The following PCDHGA1 variants were observed in gnomAD, a reference collection of about 807,000 sequenced individuals.
The protein encoded by PCDHGA1 is protocadherin gamma-A1.
PCDHGA1 carries 32 observed loss-of-function variants against 58.0 expected under a neutral mutation model. The observed-to-expected ratio is 0.55, with a 90% confidence interval of 0.42 to 0.74. The LOEUF is 0.74. PCDHGA1 is among the 30% of genes least tolerant of loss of function. The pLI, the probability that PCDHGA1 is intolerant of heterozygous loss-of-function variation, is 0.00. For missense variants in PCDHGA1, 1,205 were observed against 1,182.3 expected, an observed-to-expected ratio of 1.02 and a Z score of -0.28; for synonymous variants, 498 against 501.1, an observed-to-expected ratio of 0.99 and a Z score of 0.08.
At chr5:141,435,390 C>T (rs2097760754) in intron 1 of PCDHGA1, among the ~76,000 whole-genome samples, 1 of 152,052 alleles carries the variant, frequency 6.6e-6, no homozygotes, top group Non-Finnish European at 1.5e-5. Flanking sequence ...ACCGTATTGC[C>T]ATGACGAAAA....
chr5:141,355,189 G>A (rs1414390153), intron 1 of PCDHGA1: 1 of 1,590,876 alleles, frequency 6.3e-7, no homozygotes. Flanking sequence ...GCGACTCCGC[G>A]GCGGGGTTGT....
At chr5:141,345,581 G>T (rs1757602963) in intron 1 of PCDHGA1, 2 of 1,614,172 alleles carry the variant, frequency 1.2e-6, no homozygotes, top group Non-Finnish European at 1.7e-6. Flanking sequence ...TCCTATACGC[G>T]CTGAGATCCT....
chr5:141,485,067 C>G lies in PCDHGA1; in HGVS notation c.2422-9740C>G, dbSNP rs944494894. On this transcript the variant is annotated intron_variant, in intron 1 of 3. Transcript: ENST00000517417. This position sits in a 1 kb window ranked among gnomAD's most constrained non-coding sequence, Gnocchi z 5.7. Reference sequence around the variant, plus strand: ...CGGCGCCGGCCGAACCGCGCCAGAGCTGGCGCGGGGAAAGGGAGATAGGTG... The same window carrying G: ...CGGCGCCGGCCGAACCGCGCCAGAGGTGGCGCGGGGAAAGGGAGATAGGTG... 21 of 894,418 alleles carry G rather than the reference C, an allele frequency of 2.3e-5. No individual in the cohort carries two copies. The highest frequency in any genetic ancestry group is 1.8e-4 in the Admixed American group (8 of 43,320). 55.4% of individuals were successfully genotyped at this position (894,418 alleles called of 1,614,324 possible). A position where few individuals can be genotyped will look rare whatever the true frequency, so the allele number is the denominator to read the frequency against.
rs766765576 is a variant in PCDHGA1 at position 141,361,851 on chromosome 5, C to T, written c.2421+28746C>T. 5.6e-6 allele frequency: 9 copies of T among 1,612,474 alleles called. No homozygotes were observed. In the East Asian group the frequency reaches 1.8e-4, roughly 32 times the overall value. The stretch of plus-strand genomic sequence containing the variant: ...ACCCCGCGCTGGGGCCTGATGGCTC[C>T]GCCCTCTTCGATATGGTGCCACGCG... On this transcript the variant is annotated intron_variant, in intron 1 of 3. Coordinates refer to ENST00000517417, the MANE Select transcript of PCDHGA1 (RefSeq NM_018912.3).
At chr5:141,389,394 T>C (rs753490190) in intron 1 of PCDHGA1, 2 of 1,613,672 alleles carry the variant, frequency 1.2e-6, no homozygotes, top group South Asian at 2.2e-5. Flanking sequence ...ATCCTACGTG[T>C]CCATAAGCGC....
intron 1 of PCDHGA1, chr5:141,370,275 C>T (rs1483260334): frequency 2.4e-6 from 2 of 830,416 alleles, no homozygotes; most frequent in African/African-American, 1.7e-5. Flanking sequence ...AGCGGAGACA[C>T]CCATTAGAGA....
At chr5:141,365,743 CT>C (rs2149881259) in intron 1 of PCDHGA1, 1 of 1,613,828 alleles carries the variant, frequency 6.2e-7, no homozygotes, top group Non-Finnish European at 8.5e-7. Context: ...GTGTCTCTAT[CT>C]TCTCTGTGAC....
rs1346088631 is a variant in PCDHGA1 at position 141,334,513 on chromosome 5, G to C, written c.2421+1408G>C. 1 of 152,370 alleles carries C rather than the reference G, an allele frequency of 6.6e-6. No homozygotes were observed. Among genetic ancestry groups the C allele is most frequent in the African/African-American group, 2.4e-5 (1 of 41,438 alleles). 9.4% of individuals were successfully genotyped at this position (152,370 alleles called of 1,614,324 possible). A position where few individuals can be genotyped will look rare whatever the true frequency, so the allele number is the denominator to read the frequency against. On this transcript the variant is annotated intron_variant, in intron 1 of 3. Transcript: ENST00000517417. The surrounding 1 kb of genome is among the most constrained non-coding windows in gnomAD (Gnocchi z 4.6). Reference sequence around the variant, plus strand: ...GCGGGGCGGGGCAGGAGCTGACGTGGGAGGATCCCTTGAGCCCAGGAAGTC... The same window carrying C: ...GCGGGGCGGGGCAGGAGCTGACGTGCGAGGATCCCTTGAGCCCAGGAAGTC...
chr5:141,383,570 G>A, intron 1 of PCDHGA1: 1 of 1,613,234 alleles, frequency 6.2e-7, no homozygotes, highest in Non-Finnish European at 8.5e-7. Flanking sequence ...CCCCGATCCA[G>A]CACCGCCCAC....
At chr5:141,387,976 A>G (rs1406804687) in intron 1 of PCDHGA1, 2 of 1,490,180 alleles carry the variant, frequency 1.3e-6, no homozygotes, top group South Asian at 2.6e-5. Context: ...GCGCTCTGTG[A>G]GCAGATCCGC....
chr5:141,455,690 C>A (rs1209152869), intron 1 of PCDHGA1, among the ~76,000 whole-genome samples: 1 of 152,064 alleles, frequency 6.6e-6, no homozygotes, highest in East Asian at 1.9e-4. Context: ...CTGTGGGAAT[C>A]GCCAAGTTGA....
chr5:141,441,102 C>A (rs1057297804), intron 1 of PCDHGA1: 2 of 152,148 alleles, frequency 1.3e-5, no homozygotes, highest in Non-Finnish European at 2.9e-5. Flanking sequence ...GAGAGGGACT[C>A]ATTGTCCAGT....
intron 1 of PCDHGA1, among the ~76,000 whole-genome samples, chr5:141,465,905 G>A (rs938438286): frequency 6.6e-6 from 1 of 151,958 alleles, no homozygotes; most frequent in Admixed American, 6.6e-5. Flanking sequence ...GGCAAATCAC[G>A]AGGTCAGGAT....
At chr5:141,343,110 C>G (rs1757255278) in intron 1 of PCDHGA1, 4 of 185,262 alleles carry the variant, frequency 2.2e-5, no homozygotes, top group Non-Finnish European at 4.1e-5. Flanking sequence ...CTGCAATTCC[C>G]TGTTTGCTTT....
rs761017569 is a variant in PCDHGA1, at chr5:141,346,254, G to T, written c.2421+13149G>T. ...GGCGAGTACGCCCGGCTCGCACTTT[G>T]TGGGCGCGGACGGGGTTCGGGCTTT... On this transcript the variant is annotated intron_variant, in intron 1 of 3. Transcript: ENST00000517417. 5.0e-6 allele frequency: 8 copies of T among 1,614,216 alleles called. No individual in the cohort carries two copies. In the Admixed American group the frequency reaches 5.0e-5, roughly 10 times the overall value.
chr5:141,366,052 C>A (rs1237553025), intron 1 of PCDHGA1: 2 of 1,614,248 alleles, frequency 1.2e-6, no homozygotes, highest in Admixed American at 1.7e-5. Context: ...GTTCCACGGG[C>A]GTGGAGCTGG....
In PCDHGA1 at chr5:141,423,241, G is replaced by T. The variant is rs1485226833; in HGVS notation, c.2422-71566G>T. The T allele has an allele frequency of 6.8e-6, 11 of 1,613,836 alleles. No individual in the cohort carries two copies. The Admixed American group carries it at 1.5e-4, about 22-fold the overall frequency. On this transcript the variant is annotated intron_variant, in intron 1 of 3. Transcript: ENST00000517417. ...GGCTGTGGCCGACAGCATCCCCGAAGTCCTGGCGGACCTCGGCAGCCTCGA... is the reference window on the plus strand; with the variant it reads ...GGCTGTGGCCGACAGCATCCCCGAATTCCTGGCGGACCTCGGCAGCCTCGA...
intron 1 of PCDHGA1, chr5:141,346,120 C>A (rs1179519142): frequency 6.2e-7 from 1 of 1,613,932 alleles, no homozygotes; most frequent in East Asian, 2.2e-5. Flanking sequence ...CTGGTGGTGG[C>A]GGTGGCCGCG....
intron 1 of PCDHGA1, chr5:141,378,509 C>T (rs60712207): frequency 0.33 from 49,377 of 151,848 alleles, 8,313 homozygotes; most frequent in Admixed American, 0.44. Flanking sequence ...GGTGACAGAG[C>T]GAGACTCTGT....
Sources: allele counts gnomAD v4.1 joint callset (sites outside exome capture counted in the v4.1 genomes callset), GRCh38; gene constraint gnomAD v4.1.1; non-coding constraint Gnocchi (gnomAD v3.1); transcripts MANE v1.5; gene names NCBI Gene and HGNC (gene_info 2026-07-23, HGNC 2026-07-21).